The following TLCD4 variants were observed in gnomAD, a reference collection of about 807,000 sequenced individuals.
TLCD4 encodes the protein TLC domain-containing protein 4.
A neutral mutation model predicts 24.2 loss-of-function variants in TLCD4; 7 were observed. That is an observed-to-expected ratio of 0.29 (90% CI 0.16 to 0.54). The LOEUF (loss-of-function observed/expected upper bound fraction) is 0.54, where lower values mean the gene tolerates loss of function less well. Ranked by LOEUF, TLCD4 falls within the 20% of genes least tolerant of loss-of-function variation. TLCD4 has a pLI of 0.95. For missense variants in TLCD4, 259 were observed against 313.9 expected (o/e 0.82, Z 1.32); for synonymous variants, 103 against 106.4 (o/e 0.97, Z 0.20).
At chr1:95,174,186 A>G in intron 6 of TLCD4, 2 of 346,514 alleles carry the variant, frequency 5.8e-6, no homozygotes, top group Non-Finnish European at 1.1e-5. Flanking sequence ...TGTACACTGC[A>G]AGATGAATGG....
At chr1:95,115,200 A>G (rs1676407693), upstream of TLCD4, among the ~76,000 whole-genome samples, 1 of 151,502 alleles carries the variant, frequency 6.6e-6, no homozygotes, top group African/African-American at 2.4e-5. Flanking sequence ...TCTGCCTCCC[A>G]GGTTCAAGCG....
At chr1:95,190,247 G>T (rs955209115) in intron 6 of TLCD4, among the ~76,000 whole-genome samples, 1 of 152,002 alleles carries the variant, frequency 6.6e-6, no homozygotes, top group Non-Finnish European at 1.5e-5. Flanking sequence ...GGGATTACAA[G>T]AATGCGCCAC....
intron 1 of TLCD4, among the ~76,000 whole-genome samples, chr1:95,129,964 C>T (rs1266206056): frequency 6.6e-6 from 1 of 152,128 alleles, no homozygotes; most frequent in African/African-American, 2.4e-5. Context: ...AGAGGTGGAA[C>T]ATTTTCTTCA....
chr1:95,120,531 G>T (rs565411445), intron 1 of TLCD4, among the ~76,000 whole-genome samples: 2 of 152,326 alleles, frequency 1.3e-5, no homozygotes, highest in African/African-American at 4.8e-5. Context: ...GAAGGCAATG[G>T]ATATATAAGA....
chr1:95,128,868 GA>G (rs1385846254), intron 1 of TLCD4, among the ~76,000 whole-genome samples: 1 of 152,200 alleles, frequency 6.6e-6, no homozygotes, highest in Non-Finnish European at 1.5e-5. Context: ...TACAAGGAAA[GA>G]TAGGATTATG....
rs536603248 is a variant in TLCD4, at chr1:95,138,048, G to A, written c.-11-5843G>A. Among the ~76,000 whole-genome samples the A allele has an allele frequency of 1.1e-4, 17 of 152,158 alleles. 3 individuals are homozygous for A. Among genetic ancestry groups the A allele is most frequent in the African/African-American group, 4.1e-4 (17 of 41,528 alleles). ...CCCGACTGAGAACTGAGTCTTTTGG[G>A]CTCCAGCCTAAAAGCATCTTATTGG... On this transcript the variant is annotated intron_variant, in intron 1 of 6. Transcript: ENST00000370203.
chr1:95,176,919 G>A (rs753776844), intron 6 of TLCD4, among the ~76,000 whole-genome samples: 5 of 151,558 alleles, frequency 3.3e-5, no homozygotes, highest in Non-Finnish European at 7.4e-5. Flanking sequence ...GTGTAGTCTT[G>A]GTACCCTTGT....
At chr1:95,097,567 C>T in the TLCD4 span, among the ~76,000 whole-genome samples, 6 of 152,106 alleles carry the variant, frequency 3.9e-5, no homozygotes, top group African/African-American at 9.7e-5. Context: ...ATGGGAGTAA[C>T]GAAGTAGGGA....
the TLCD4 span, among the ~76,000 whole-genome samples, chr1:95,094,494 A>G: frequency 6.6e-6 from 1 of 152,198 alleles, no homozygotes; most frequent in South Asian, 2.1e-4. Context: ...CCAACTTGCA[A>G]GGCCCAGTGA....
At chr1:95,167,102 A>G (rs1241778116) in intron 5 of TLCD4, among the ~76,000 whole-genome samples, 1 of 151,632 alleles carries the variant, frequency 6.6e-6, no homozygotes, top group Non-Finnish European at 1.5e-5. Flanking sequence ...ATTTTTCCTG[A>G]TGGCCCTCAG....
At chr1:95,180,554 T>C (rs1356204044) in intron 6 of TLCD4, among the ~76,000 whole-genome samples, 3 of 152,230 alleles carry the variant, frequency 2.0e-5, no homozygotes, top group Non-Finnish European at 2.9e-5. Flanking sequence ...ATGGCATACA[T>C]GTGCTGGGGT....
intron 1 of TLCD4, among the ~76,000 whole-genome samples, chr1:95,142,312 T>C (rs1051019309): frequency 9.7e-6 from 1 of 102,972 alleles, no homozygotes; most frequent in African/African-American, 3.5e-5. Flanking sequence ...TTTTTTTTTT[T>C]AATAAGGGAT....
intron 1 of TLCD4, among the ~76,000 whole-genome samples, chr1:95,138,000 A>C (rs1470448019): frequency 1.3e-5 from 2 of 152,052 alleles, no homozygotes; most frequent in Admixed American, 6.6e-5. Context: ...GGCCTCCTAA[A>C]GTGCTGGAAT....
chr1:95,183,563 G>C (rs1158544009), intron 6 of TLCD4, among the ~76,000 whole-genome samples: 1 of 152,218 alleles, frequency 6.6e-6, no homozygotes, highest in Non-Finnish European at 1.5e-5. Context: ...AATCAGCCAG[G>C]TGTGGTGGCT....
chr1:95,134,726 G>T (rs898432221), intron 1 of TLCD4, among the ~76,000 whole-genome samples: 1 of 152,166 alleles, frequency 6.6e-6, no homozygotes, highest in Non-Finnish European at 1.5e-5. Flanking sequence ...TGAGTTAGGG[G>T]TCTAGACCTG....
chr1:95,100,759 G>T, the TLCD4 span, among the ~76,000 whole-genome samples: 2 of 152,090 alleles, frequency 1.3e-5, no homozygotes, highest in African/African-American at 4.8e-5. Flanking sequence ...CACTGAGTTA[G>T]TTAAATAAAA....
chr1:95,166,788 G>A (rs1678028781), intron 5 of TLCD4, among the ~76,000 whole-genome samples: 1 of 152,118 alleles, frequency 6.6e-6, no homozygotes, highest in Admixed American at 6.5e-5. Flanking sequence ...GGAGTACAGT[G>A]GTGCAGTCAT....
chr1:95,131,109 A>C (rs1361022686), intron 1 of TLCD4, among the ~76,000 whole-genome samples: 1 of 152,184 alleles, frequency 6.6e-6, no homozygotes. Flanking sequence ...TGTGTTGTGC[A>C]TGGAGATTTA....
intron 5 of TLCD4, among the ~76,000 whole-genome samples, chr1:95,165,489 A>G (rs1677986282): frequency 1.3e-5 from 2 of 150,112 alleles, no homozygotes; most frequent in Admixed American, 1.3e-4. Context: ...TTTTCAGACA[A>G]AGTCTCGCTC....
Sources: gnomAD v4.1 joint callset for allele counts (sites outside exome capture counted in the v4.1 genomes callset) on GRCh38, gnomAD v4.1.1 for gene constraint, MANE v1.5 for transcripts, NCBI Gene and HGNC (gene_info 2026-07-23, HGNC 2026-07-21) for gene names.